The following SERPINB12 variants were observed in gnomAD, a reference collection of about 807,000 sequenced individuals.
SERPINB12 encodes the protein serpin B12.
In SERPINB12, 57 loss-of-function variants were observed where a neutral mutation model predicts 41.1. The observed-to-expected ratio is 1.39, with a 90% CI of 1.12 to 1.73. The LOEUF is 1.73. SERPINB12 is among the 40% of genes most tolerant of loss of function. SERPINB12 has a pLI of 0.00. For synonymous variants in SERPINB12, 180 were observed against 181.3 expected (o/e 0.99, Z 0.06); for missense variants, 536 against 501.9 (o/e 1.07, Z -0.65).
the SERPINB12 span, among the ~76,000 whole-genome samples, chr18:63,535,678 A>G: frequency 6.6e-6 from 1 of 152,180 alleles, no homozygotes; most frequent in African/African-American, 2.4e-5. Flanking sequence ...TGGAATATGA[A>G]CTATGAACTG....
intron 1 of SERPINB12, among the ~76,000 whole-genome samples, chr18:63,548,312 GTA>G (rs1461201463): frequency 6.6e-6 from 1 of 151,650 alleles, no homozygotes; most frequent in Non-Finnish European, 1.5e-5. Context: ...CAGATAGTCA[GTA>G]TTTAAAAATG....
the SERPINB12 span, among the ~76,000 whole-genome samples, chr18:63,523,741 G>C: frequency 6.6e-6 from 1 of 152,144 alleles, no homozygotes; most frequent in Admixed American, 6.5e-5. Context: ...TCAGGTCACA[G>C]CAGCAGATTA....
chr18:63,529,826 C>G, the SERPINB12 span, among the ~76,000 whole-genome samples: 1 of 152,086 alleles, frequency 6.6e-6, no homozygotes, highest in Admixed American at 6.6e-5. Context: ...GATTGGGGCA[C>G]AAGACTAGGT....
the SERPINB12 span, among the ~76,000 whole-genome samples, chr18:63,523,841 G>A: frequency 3.3e-5 from 5 of 152,180 alleles, no homozygotes; most frequent in African/African-American, 1.2e-4. Context: ...ACTTTCTCAA[G>A]GACAGAAACA....
upstream of SERPINB12, among the ~76,000 whole-genome samples, chr18:63,539,986 A>G (rs1396471928): frequency 6.6e-6 from 1 of 152,178 alleles, no homozygotes; most frequent in Non-Finnish European, 1.5e-5. Flanking sequence ...CAGGGAAAAT[A>G]ACACAAGAAA....
intron 1 of SERPINB12, among the ~76,000 whole-genome samples, chr18:63,544,941 A>G (rs1910351045): frequency 6.6e-6 from 1 of 152,216 alleles, no homozygotes; most frequent in Non-Finnish European, 1.5e-5. Context: ...ATTAAATGAC[A>G]AAGAGCCCCT....
intron 1 of SERPINB12, among the ~76,000 whole-genome samples, chr18:63,554,042 C>T (rs1049358015): frequency 3.4e-5 from 5 of 145,798 alleles, no homozygotes; most frequent in African/African-American, 1.3e-4. Context: ...AAGTACGTCT[C>T]AAACCCAGTT....
At chr18:63,556,068 G>A in intron 1 of SERPINB12, 74 bp from the exon 2 acceptor site, 2 of 1,086,480 alleles carry the variant, frequency 1.8e-6, no homozygotes, top group African/African-American at 1.6e-5. Context: ...TTTCAGGTAT[G>A]TAAAATAAAA....
the SERPINB12 span, among the ~76,000 whole-genome samples, chr18:63,522,112 C>A: frequency 1.7e-4 from 26 of 152,224 alleles, no homozygotes; most frequent in Non-Finnish European, 2.6e-4. Flanking sequence ...TAGTTTTTAT[C>A]AAATTTTACC....
At position 63,568,231 on chromosome 18, in the gene SERPINB12, A is replaced by G. The variant is rs1381489474; in HGVS notation, c.*1220A>G. Among the ~76,000 whole-genome samples the G allele has an allele frequency of 6.6e-6, 1 of 152,154 alleles. No homozygotes were observed. Among genetic ancestry groups the G allele is most frequent in the African/African-American group, 2.4e-5 (1 of 41,440 alleles). On this transcript the variant is annotated 3_prime_UTR_variant, in exon 8 of 8. Coordinates refer to ENST00000382768, the MANE Select transcript of SERPINB12 (RefSeq NM_001307928.2). Reference sequence around the variant, plus strand: ...CCCTGACTCTACAAAAAATACAGAAATTAGCCGGGCGTGGTGGTGTGCACC... The same window carrying G: ...CCCTGACTCTACAAAAAATACAGAAGTTAGCCGGGCGTGGTGGTGTGCACC...
the SERPINB12 span, among the ~76,000 whole-genome samples, chr18:63,536,725 G>T: frequency 3.9e-5 from 6 of 152,224 alleles, no homozygotes; most frequent in South Asian, 2.1e-4. Flanking sequence ...GAGCATTTGT[G>T]TGCTAGGTAC....
chr18:63,519,151 A>G, the SERPINB12 span, among the ~76,000 whole-genome samples: 2 of 152,148 alleles, frequency 1.3e-5, no homozygotes, highest in East Asian at 3.9e-4. Context: ...CACTGCCCAA[A>G]AGCACTTCTA....
chr18:63,561,127 GAA>G lies in SERPINB12; in HGVS notation c.489_490del (p.Ser164CysfsTer2), dbSNP rs1568130521. Reference sequence around the variant, plus strand: ...GATTCAATTTTACCACACGACGATTGAAAGTGTTGATTTCCAAAAAAACCCTG... The same window carrying G: ...GATTCAATTTTACCACACGACGATTGAGTGTTGATTTCCAAAAAAACCCTG... ...GVIQFYHTTI[E>X]SVDFQKNPEK... is the part of the protein sequence containing the mutation. On this transcript the variant is annotated frameshift_variant, in exon 5 of 8. Coordinates refer to ENST00000382768, the MANE Select transcript of SERPINB12 (RefSeq NM_001307928.2). LOFTEE classifies it high-confidence loss of function. The G allele has an allele frequency of 6.2e-7, 1 of 1,613,208 alleles. No homozygotes were observed. Among genetic ancestry groups the G allele is most frequent in the Admixed American group, 1.7e-5 (1 of 59,978 alleles).
chr18:63,552,702 T>G lies in SERPINB12; in HGVS notation c.-18-3440T>G, dbSNP rs143372010. 6.3e-3 allele frequency among the ~76,000 whole-genome samples: 954 copies of G among 152,266 alleles called. 13 individuals are homozygous for G. Among genetic ancestry groups the G allele is most frequent in the African/African-American group, 0.022 (916 of 41,548 alleles). ...AAGGCAGAGATTGTGTCTTGTTCAG[T>G]TCATCTTTTATATATAGTGACTAAC... On this transcript the variant is annotated intron_variant, in intron 1 of 7. Transcript: ENST00000382768.
Position 63,569,142 on chromosome 18 carries a change from T to TG in SERPINB12, c.*2131_*2132insG, listed in dbSNP as rs1340589791. Among the ~76,000 whole-genome samples the TG allele has an allele frequency of 5.4e-3, 812 of 151,646 alleles. 4 individuals carry two copies. The highest frequency in any genetic ancestry group is 0.018 in the African/African-American group (765 of 41,368). On this transcript the variant is annotated 3_prime_UTR_variant, in exon 8 of 8. Coordinates refer to ENST00000382768, the MANE Select transcript of SERPINB12 (RefSeq NM_001307928.2). ...TTCTTTTACTTGGTAAACACATTTT[T>TG]TTTTCATTTACATCGGGATTTCTCA... is the stretch of plus-strand genomic sequence containing the variant.
rs1436906573 is a variant in SERPINB12, at chr18:63,568,119, C to T, written c.*1108C>T. Among the ~76,000 whole-genome samples the T allele has an allele frequency of 6.6e-6, 1 of 152,232 alleles. No individual in the cohort carries two copies. Among genetic ancestry groups the T allele is most frequent in the Non-Finnish European group, 1.5e-5 (1 of 68,030 alleles). On this transcript the variant is annotated 3_prime_UTR_variant, in exon 8 of 8. Transcript: ENST00000382768. ...GTTGGCTGGGCATGATGGCTCATGC[C>T]TGCAATCCCAGCACTTCTTGGGAGG...
the SERPINB12 span, among the ~76,000 whole-genome samples, chr18:63,521,899 G>C: frequency 6.6e-6 from 1 of 152,162 alleles, no homozygotes; most frequent in African/African-American, 2.4e-5. Flanking sequence ...GAGCATTGCA[G>C]CTAGATATTG....
At chr18:63,543,442 A>G (rs555309131) in intron 1 of SERPINB12, among the ~76,000 whole-genome samples, 1 of 152,316 alleles carries the variant, frequency 6.6e-6, no homozygotes, top group Admixed American at 6.5e-5. Flanking sequence ...ATGTATATGC[A>G]GTGCCTGACA....
intron 1 of SERPINB12, among the ~76,000 whole-genome samples, chr18:63,553,313 T>G (rs1910580742): frequency 6.6e-6 from 1 of 152,204 alleles, no homozygotes; most frequent in Non-Finnish European, 1.5e-5. Flanking sequence ...TAGCCTTGCT[T>G]TGCTTCTGGA....
Sources: allele counts gnomAD v4.1 joint callset (sites outside exome capture counted in the v4.1 genomes callset), GRCh38; gene constraint gnomAD v4.1.1; transcripts MANE v1.5; gene names NCBI Gene and HGNC (gene_info 2026-07-23, HGNC 2026-07-21).